The following LMX1A variants were observed in gnomAD, a reference collection of about 807,000 sequenced individuals.
LMX1A encodes the protein LIM homeobox transcription factor 1 alpha.
Under a neutral mutation model 49.1 loss-of-function variants are expected in LMX1A, and 15 were observed. The ratio of observed to expected loss-of-function variants is 0.31; its 90% CI spans 0.20 to 0.47. The LOEUF is 0.47. Among genes scored for constraint, LMX1A ranks in the 20% least tolerant of loss-of-function variants. LMX1A has a pLI of 1.00. For missense variants in LMX1A, 372 were observed against 475.8 expected, an observed-to-expected ratio of 0.78 and a Z score of 2.03; for synonymous variants, 167 against 185.7, an observed-to-expected ratio of 0.90 and a Z score of 0.82.
intron 3 of LMX1A, among the ~76,000 whole-genome samples, chr1:165,252,448 T>C (rs1334868173): frequency 6.6e-6 from 1 of 152,214 alleles, no homozygotes; most frequent in Admixed American, 6.5e-5. Context: ...ATACCATAAT[T>C]GCATTTGTCA....
intron 3 of LMX1A, among the ~76,000 whole-genome samples, chr1:165,288,797 T>G (rs1654372409): frequency 6.6e-6 from 1 of 152,230 alleles, no homozygotes; most frequent in Non-Finnish European, 1.5e-5. Flanking sequence ...ATAGTTAAAA[T>G]TCATGGTGCC....
At chr1:165,254,337 G>A (rs1019515530) in intron 3 of LMX1A, among the ~76,000 whole-genome samples, 2 of 152,154 alleles carry the variant, frequency 1.3e-5, no homozygotes, top group Non-Finnish European at 2.9e-5. Context: ...AGGAAGTGGC[G>A]GGAGTTGTCT....
At chr1:165,208,801 T>C (rs1651218999) in intron 6 of LMX1A, among the ~76,000 whole-genome samples, 2 of 152,070 alleles carry the variant, frequency 1.3e-5, no homozygotes, top group South Asian at 2.1e-4. Flanking sequence ...CGCCCGCCAC[T>C]ACGCCTGGCT....
chr1:165,248,514 T>C (rs888323344), intron 4 of LMX1A, among the ~76,000 whole-genome samples: 20 of 152,242 alleles, frequency 1.3e-4, no homozygotes, highest in Non-Finnish European at 2.8e-4. Context: ...TCAGTGTTAA[T>C]TTAATGTAAT....
At position 165,205,787 on chromosome 1, in the gene LMX1A, T is replaced by C. The variant is rs1383978476; in HGVS notation, c.988+77A>G. Reference sequence around the variant, plus strand: ...GGAACTTCGGTGAGCATCTGGGAACTGCCTAGATGTGTTTAGGAGGGAATG... The same window carrying C: ...GGAACTTCGGTGAGCATCTGGGAACCGCCTAGATGTGTTTAGGAGGGAATG... On this transcript the variant is annotated intron_variant, in intron 8 of 8. Coordinates refer to ENST00000342310, the MANE Select transcript of LMX1A (RefSeq NM_177398.4). The C allele has an allele frequency of 2.3e-5, 32 of 1,376,604 alleles. 1 individual carries two copies. In the South Asian group the frequency reaches 4.0e-4, roughly 17 times the overall value. 85.3% of individuals were successfully genotyped at this position (1,376,604 alleles called of 1,614,324 possible). A position where few individuals can be genotyped will look rare whatever the true frequency, so the allele number is the denominator to read the frequency against.
At chr1:165,296,508 A>G (rs1654626514) in intron 3 of LMX1A, among the ~76,000 whole-genome samples, 4 of 152,254 alleles carry the variant, frequency 2.6e-5, no homozygotes, top group Admixed American at 2.6e-4. Context: ...CTGCTCTTAG[A>G]AAGTCAGTTC....
chr1:165,253,849 C>T (rs988711795), intron 3 of LMX1A, among the ~76,000 whole-genome samples: 3 of 152,120 alleles, frequency 2.0e-5, no homozygotes, highest in Admixed American at 6.5e-5. Context: ...GTCCTCTCGC[C>T]CAGTGTGGTT....
At chr1:165,239,559 A>C (rs1188407244) in intron 4 of LMX1A, among the ~76,000 whole-genome samples, 1 of 152,220 alleles carries the variant, frequency 6.6e-6, no homozygotes, top group East Asian at 1.9e-4. Flanking sequence ...TCAAACTAAG[A>C]GCAACAAACA....
chr1:165,296,653 G>T (rs1457291634), intron 3 of LMX1A, among the ~76,000 whole-genome samples: 5 of 152,234 alleles, frequency 3.3e-5, no homozygotes, highest in African/African-American at 1.2e-4. Flanking sequence ...CCCACCCAAG[G>T]TTCCTATATC....
intron 3 of LMX1A, among the ~76,000 whole-genome samples, chr1:165,343,600 G>A (rs964446476): frequency 6.6e-6 from 1 of 152,094 alleles, no homozygotes; most frequent in Admixed American, 6.5e-5. Flanking sequence ...TACTTTTTCA[G>A]TAATGGAGAG....
At chr1:165,301,310 C>A (rs186532417) in intron 3 of LMX1A, among the ~76,000 whole-genome samples, 2 of 152,310 alleles carry the variant, frequency 1.3e-5, no homozygotes, top group East Asian at 3.9e-4. Context: ...CAGAGCCCCC[C>A]ATCGCTGCAC....
At chr1:165,288,537 G>A (rs529735321) in intron 3 of LMX1A, among the ~76,000 whole-genome samples, 120 of 152,240 alleles carry the variant, frequency 7.9e-4, no homozygotes, top group Non-Finnish European at 1.6e-3. Context: ...CTCCTGGGCC[G>A]GTCCTGCAAG....
At chr1:165,298,974 T>A (rs79867363) in intron 3 of LMX1A, among the ~76,000 whole-genome samples, 7,120 of 152,316 alleles carry the variant, frequency 0.047, 568 homozygotes, top group African/African-American at 0.16. Context: ...AATAATTTTA[T>A]TTAACCCTAC....
intron 3 of LMX1A, among the ~76,000 whole-genome samples, chr1:165,304,007 G>A (rs1020262406): frequency 2.0e-5 from 3 of 152,082 alleles, no homozygotes; most frequent in South Asian, 4.2e-4. Flanking sequence ...CTGGGCCTGA[G>A]AAAGGAAAGG....
intron 3 of LMX1A, among the ~76,000 whole-genome samples, chr1:165,256,767 C>T (rs1653255147): frequency 1.3e-5 from 2 of 152,080 alleles, no homozygotes; most frequent in Admixed American, 6.5e-5. Context: ...ACCAAGGAGA[C>T]AAGAATGTTT....
At chr1:165,240,816 GACA>G (rs968132064) in intron 4 of LMX1A, among the ~76,000 whole-genome samples, 1 of 152,146 alleles carries the variant, frequency 6.6e-6, no homozygotes, top group Non-Finnish European at 1.5e-5. Context: ...AAAGATGGGA[GACA>G]TACCATCACC....
intron 7 of LMX1A, among the ~76,000 whole-genome samples, chr1:165,207,181 T>C (rs1284117138): frequency 2.0e-5 from 3 of 152,238 alleles, no homozygotes. Flanking sequence ...GCAGGTGACT[T>C]ACGTGCATAT....
intron 3 of LMX1A, among the ~76,000 whole-genome samples, chr1:165,314,729 G>A (rs1423455581): frequency 6.6e-6 from 1 of 152,020 alleles, no homozygotes; most frequent in African/African-American, 2.4e-5. Flanking sequence ...AAGATTTCTA[G>A]GGTCCAGCAT....
At chr1:165,340,807 G>A (rs1006237859) in intron 3 of LMX1A, among the ~76,000 whole-genome samples, 2 of 152,146 alleles carry the variant, frequency 1.3e-5, no homozygotes. Flanking sequence ...AGGTACTGAT[G>A]TAACAGTCCA....
Sources: allele counts gnomAD v4.1 joint callset (sites outside exome capture counted in the v4.1 genomes callset), GRCh38; gene constraint gnomAD v4.1.1; transcripts MANE v1.5; gene names NCBI Gene and HGNC (gene_info 2026-07-23, HGNC 2026-07-21).